Variants in POLR1C observed in about 807,000 individuals in gnomAD.
POLR1C encodes the protein RNA polymerase I and III subunit C, also known as DNA-directed RNA polymerases I and III subunit RPAC1.
A neutral mutation model predicts 38.3 loss-of-function variants in POLR1C; 42 were observed. That is an observed-to-expected ratio of 1.10 (90% CI 0.86 to 1.42). The LOEUF is 1.42. POLR1C is among the 40% of genes most tolerant of loss of function. POLR1C has a pLI of 0.00. For synonymous variants in POLR1C, 163 were observed against 163.9 expected, an observed-to-expected ratio of 0.99 and a Z score of 0.04; for missense variants, 507 against 450.5, an observed-to-expected ratio of 1.13 and a Z score of -1.14.
intron 10 of POLR1C, among the ~76,000 whole-genome samples, chr6:43,556,390 T>G (rs1006847068): frequency 1.3e-5 from 2 of 151,976 alleles, no homozygotes; most frequent in African/African-American, 4.8e-5. Context: ...CCAGGTGTGG[T>G]GGCATGCTCC....
At chr6:43,529,568 A>AAT (rs1793829555) in exon 9 of POLR1C, 1 of 182,396 alleles carries the variant, frequency 5.5e-6, no homozygotes, top group African/African-American at 2.4e-5. Context: ...AAAAAAAAAA[A>AAT]GAAAAGAAAG....
At chr6:43,518,777 G>A (rs55641063) in intron 2 of POLR1C, among the ~76,000 whole-genome samples, 1 of 152,118 alleles carries the variant, frequency 6.6e-6, no homozygotes, top group South Asian at 2.1e-4. Context: ...TCCGCCTCCC[G>A]GGTTCAAGCA....
chr6:43,525,825 C>T (rs769722961), downstream of POLR1C: 1 of 1,613,808 alleles, frequency 6.2e-7, no homozygotes. Context: ...GTATCACCTG[C>T]TCCTTCTACC....
At chr6:43,557,780 C>A (rs1246074835) in intron 10 of POLR1C, among the ~76,000 whole-genome samples, 1 of 86,594 alleles carries the variant, frequency 1.2e-5, no homozygotes, top group Admixed American at 1.6e-4. Context: ...CTCAATAAAG[C>A]TGTAAAAAAA....
At chr6:43,530,029 C>T (rs999055838), downstream of POLR1C, among the ~76,000 whole-genome samples, 1 of 151,712 alleles carries the variant, frequency 6.6e-6, no homozygotes, top group East Asian at 1.9e-4. Context: ...CTGAGGCAGG[C>T]GGATTACTTG....
chr6:43,529,401 AAAATT>A, exon 9 of POLR1C: 1 of 372,420 alleles, frequency 2.7e-6, no homozygotes, highest in Non-Finnish European at 5.0e-6. Context: ...AAAAAAAAAA[AAAATT>A]AGTCGGGCAT....
downstream of POLR1C, chr6:43,531,529 T>C (rs1793979544): frequency 6.2e-7 from 1 of 1,613,954 alleles, no homozygotes; most frequent in South Asian, 1.1e-5. Flanking sequence ...CCAAGACGGT[T>C]TTGAAGACAG....
intron 10 of POLR1C, chr6:43,560,403 T>C (rs1180114614): frequency 5.7e-6 from 8 of 1,392,950 alleles, no homozygotes; most frequent in African/African-American, 2.9e-5. Flanking sequence ...TAGAAATAAA[T>C]CTGTACAATA....
chr6:43,534,315 G>GT (rs1794180725), downstream of POLR1C, among the ~76,000 whole-genome samples: 1 of 152,190 alleles, frequency 6.6e-6, no homozygotes. Flanking sequence ...GGTCCCAGGA[G>GT]TTTTTTGACC....
intron 9 of POLR1C, chr6:43,539,678 C>G (rs913306275): frequency 1.1e-6 from 1 of 925,694 alleles, no homozygotes; most frequent in Non-Finnish European, 1.6e-6. Context: ...TCCAGGCCCC[C>G]CCACTGCACC....
At chr6:43,535,263 AAACAAC>A (rs200414208) in intron 9 of POLR1C, among the ~76,000 whole-genome samples, 7 of 151,496 alleles carry the variant, frequency 4.6e-5, no homozygotes, top group South Asian at 2.1e-4. Flanking sequence ...CTGTCTCAAA[AAACAAC>A]AACAACAACA....
At chr6:43,561,256 G>C (rs1206981588) in intron 10 of POLR1C, 1 of 392,354 alleles carries the variant, frequency 2.5e-6, no homozygotes, top group African/African-American at 2.0e-5. Flanking sequence ...TGGTCAAACA[G>C]TAAAATAAAA....
At chr6:43,558,746 T>A (rs1013539449) in intron 10 of POLR1C, among the ~76,000 whole-genome samples, 1 of 152,194 alleles carries the variant, frequency 6.6e-6, no homozygotes, top group Admixed American at 6.5e-5. Context: ...CTATCACAGG[T>A]CCACAGTTTG....
At chr6:43,528,863 G>C in intron 8 of POLR1C, 1 of 1,613,908 alleles carries the variant, frequency 6.2e-7, no homozygotes, top group Non-Finnish European at 8.5e-7. Flanking sequence ...CCGAGGATGG[G>C]GGATACCAGG....
chr6:43,519,980 A>G (rs1179381519), intron 4 of POLR1C, 86 bp from the exon 5 acceptor site: 2 of 1,568,688 alleles, frequency 1.3e-6, no homozygotes, highest in Non-Finnish European at 1.7e-6. Context: ...GTTTGCCATA[A>G]TTAAATGGGA....
chr6:43,547,576 A>C, intron 9 of POLR1C: 1 of 1,604,378 alleles, frequency 6.2e-7, no homozygotes. Flanking sequence ...ACCCATGGCC[A>C]ATGCCACTTC....
chr6:43,535,813 C>CA (rs60341205), intron 9 of POLR1C, among the ~76,000 whole-genome samples: 11,003 of 71,640 alleles, frequency 0.15, 1,396 homozygotes, highest in African/African-American at 0.37. Context: ...GACTCCATCT[C>CA]AAAAAAAAAA....
intron 9 of POLR1C, chr6:43,538,702 T>C (rs552058101): frequency 3.4e-4 from 155 of 454,074 alleles, no homozygotes; most frequent in African/African-American, 2.6e-3. Flanking sequence ...TCTTTGGTAC[T>C]GTTAATGTCT....
At chr6:43,538,335 G>C (rs12111248) in intron 9 of POLR1C, among the ~76,000 whole-genome samples, 2 of 151,764 alleles carry the variant, frequency 1.3e-5, no homozygotes, top group African/African-American at 2.4e-5. Context: ...ATTTTTAGTA[G>C]AGATGGGGTT....
Sources: gnomAD v4.1 joint callset for allele counts (sites outside exome capture counted in the v4.1 genomes callset) on GRCh38, gnomAD v4.1.1 for gene constraint, MANE v1.5 for transcripts, NCBI Gene and HGNC (gene_info 2026-07-23, HGNC 2026-07-21) for gene names.